SLC8A3: variants seen among roughly 807,000 people sequenced by gnomAD.
The protein encoded by SLC8A3 is solute carrier family 8 member A3, also known as sodium/calcium exchanger 3.
A neutral mutation model predicts 65.4 loss-of-function variants in SLC8A3; 37 were observed. The ratio of observed to expected loss-of-function variants is 0.57; its 90% CI spans 0.44 to 0.74. The LOEUF is 0.74. Among genes scored for constraint, SLC8A3 ranks in the 30% least tolerant of loss-of-function variants. The pLI is 0.00. For synonymous variants in SLC8A3, 461 were observed against 444.5 expected, an observed-to-expected ratio of 1.04 and a Z score of -0.47; for missense variants, 1,112 against 1,172.1, an observed-to-expected ratio of 0.95 and a Z score of 0.75.
intron 2 of SLC8A3, among the ~76,000 whole-genome samples, chr14:70,073,019 G>A (rs1385606677): frequency 6.6e-6 from 1 of 152,050 alleles, no homozygotes; most frequent in Non-Finnish European, 1.5e-5. Context: ...CCCCAAACAT[G>A]TCATTCCTCT....
At chr14:70,074,427 A>C (rs560384410) in intron 2 of SLC8A3, among the ~76,000 whole-genome samples, 44 of 152,336 alleles carry the variant, frequency 2.9e-4, no homozygotes, top group African/African-American at 9.9e-4. Context: ...GGCTGCAGGA[A>C]TAGTGGATCC....
At chr14:70,103,590 T>G (rs954186180) in intron 2 of SLC8A3, among the ~76,000 whole-genome samples, 1 of 152,020 alleles carries the variant, frequency 6.6e-6, no homozygotes, top group Admixed American at 6.6e-5. Context: ...GATTTCTAAA[T>G]TGTCTGTGGT....
intron 2 of SLC8A3, among the ~76,000 whole-genome samples, chr14:70,090,021 C>T (rs1182674234): frequency 1.3e-5 from 2 of 151,784 alleles, no homozygotes; most frequent in African/African-American, 2.4e-5. Context: ...ATGTTTTTCT[C>T]CTGTAACTAC....
intron 2 of SLC8A3, among the ~76,000 whole-genome samples, chr14:70,072,572 C>T (rs921734549): frequency 6.8e-6 from 1 of 147,306 alleles, no homozygotes; most frequent in African/African-American, 2.5e-5. Flanking sequence ...GAATTGGAAA[C>T]TCTCTGTAAT....
chr14:70,076,956 A>T (rs1001766201), intron 2 of SLC8A3, among the ~76,000 whole-genome samples: 5 of 152,206 alleles, frequency 3.3e-5, no homozygotes, highest in African/African-American at 1.2e-4. Flanking sequence ...TATGAGCCTC[A>T]GTTTCCTTAA....
In SLC8A3 at chr14:70,052,097, G is replaced by A; in HGVS notation, c.1906C>T (p.Leu636=). ...TTGGCCTCCTCTTCTTCCATAGTCA[G>A]CTTCCTGTCTGTCACATCTGCAACA... ...RGISDVTDRK[L]TMEEEEAKRI... is the part of the protein sequence containing the mutation. The change falls in exon 4 of 7, where the codon CTG becomes TTG. Residue 636 remains leucine, a synonymous_variant. Transcript: ENST00000356921. The A allele has an allele frequency of 6.2e-7, 1 of 1,600,070 alleles. No individual in the cohort carries two copies.
chr14:70,072,648 T>A (rs895208833), intron 2 of SLC8A3, among the ~76,000 whole-genome samples: 1 of 151,118 alleles, frequency 6.6e-6, no homozygotes, highest in Non-Finnish European at 1.5e-5. Context: ...CAACCTGAAC[T>A]TTTCTTTTTT....
At chr14:70,066,873 A>G (rs967168770) in intron 2 of SLC8A3, among the ~76,000 whole-genome samples, 1 of 152,170 alleles carries the variant, frequency 6.6e-6, no homozygotes, top group African/African-American at 2.4e-5. Flanking sequence ...TGGGCTTTGC[A>G]GTAGCCTCCT....
chr14:70,053,265 A>C (rs1417621697), intron 3 of SLC8A3, among the ~76,000 whole-genome samples: 1 of 152,214 alleles, frequency 6.6e-6, no homozygotes, highest in Non-Finnish European at 1.5e-5. Flanking sequence ...CTTTCTGCAT[A>C]TGTCCAAGTC....
chr14:70,138,746 A>C (rs1263995135), intron 2 of SLC8A3, among the ~76,000 whole-genome samples: 1 of 152,216 alleles, frequency 6.6e-6, no homozygotes, highest in Non-Finnish European at 1.5e-5. Context: ...TTGTGGAACG[A>C]GTGTGTCTAG....
At chr14:70,143,588 C>G (rs1895712285) in intron 2 of SLC8A3, among the ~76,000 whole-genome samples, 1 of 152,140 alleles carries the variant, frequency 6.6e-6, no homozygotes, top group Non-Finnish European at 1.5e-5. Flanking sequence ...AAATCCAACT[C>G]TCTGGAGGTA....
chr14:70,155,182 A>G (rs1896505756), intron 2 of SLC8A3, among the ~76,000 whole-genome samples: 1 of 152,094 alleles, frequency 6.6e-6, no homozygotes, highest in South Asian at 2.1e-4. Flanking sequence ...CGGCCTCCCA[A>G]AATGCTGGGA....
intron 2 of SLC8A3, among the ~76,000 whole-genome samples, chr14:70,120,210 A>C (rs968679795): frequency 3.3e-5 from 5 of 152,252 alleles, no homozygotes; most frequent in Non-Finnish European, 5.9e-5. Context: ...ACTTTCACTG[A>C]GTAAGCCAAT....
At chr14:70,168,547 C>T in intron 1 of SLC8A3, 63 bp from the exon 2 acceptor site, 1 of 674,282 alleles carries the variant, frequency 1.5e-6, no homozygotes, top group Non-Finnish European at 2.5e-6. Context: ...ACGGCAGGTT[C>T]CCACCAATAC....
At chr14:70,124,813 C>T (rs1390419248) in intron 2 of SLC8A3, among the ~76,000 whole-genome samples, 1 of 152,124 alleles carries the variant, frequency 6.6e-6, no homozygotes, top group African/African-American at 2.4e-5. Context: ...TTGCCTAGAG[C>T]CGTGGGTTGA....
At chr14:70,150,908 G>A (rs535792905) in intron 2 of SLC8A3, among the ~76,000 whole-genome samples, 3 of 152,184 alleles carry the variant, frequency 2.0e-5, no homozygotes, top group East Asian at 1.9e-4. Flanking sequence ...GCAGAAATGA[G>A]CAATGCAGTT....
chr14:70,136,667 C>G (rs1435600240), intron 2 of SLC8A3, among the ~76,000 whole-genome samples: 1 of 152,226 alleles, frequency 6.6e-6, no homozygotes, highest in Non-Finnish European at 1.5e-5. Context: ...CCAGACCTTC[C>G]TACCTGCATA....
At chr14:70,174,677 T>G (rs868713619) in intron 1 of SLC8A3, among the ~76,000 whole-genome samples, 2,126 of 131,732 alleles carry the variant, frequency 0.016, 46 homozygotes, top group African/African-American at 0.053. Flanking sequence ...TTTTTTTTTT[T>G]TTTTTTTTTT....
At chr14:70,084,462 A>G (rs565120756) in intron 2 of SLC8A3, among the ~76,000 whole-genome samples, 47 of 152,308 alleles carry the variant, frequency 3.1e-4, no homozygotes, top group Admixed American at 3.1e-3. Context: ...AGCCAAGCTG[A>G]ACACATTTTT....
Sources: allele counts gnomAD v4.1 joint callset (sites outside exome capture counted in the v4.1 genomes callset), GRCh38; gene constraint gnomAD v4.1.1; transcripts MANE v1.5; gene names NCBI Gene and HGNC (gene_info 2026-07-23, HGNC 2026-07-21).